Variants in ERC2 observed in about 807,000 individuals in gnomAD.
ERC2 encodes ERC protein 2.
Under a neutral mutation model 114.8 loss-of-function variants are expected in ERC2, and 42 were observed. The observed-to-expected ratio is 0.37, with a 90% CI of 0.29 to 0.47. The LOEUF is 0.47. Ranked by LOEUF, ERC2 falls within the 20% of genes least tolerant of loss-of-function variation. The probability of loss-of-function intolerance (pLI) is 0.99; values close to 1 mark genes in which losing one functional copy is unlikely to be tolerated. For missense variants in ERC2, 939 were observed against 1,150.7 expected (o/e 0.82, Z 2.66); for synonymous variants, 454 against 425.5 (o/e 1.07, Z -0.82).
chr3:55,856,199 G>A (rs961644925), intron 14 of ERC2, among the ~76,000 whole-genome samples: 2 of 152,206 alleles, frequency 1.3e-5, no homozygotes, highest in Non-Finnish European at 2.9e-5. Context: ...TGTGTCTTTA[G>A]ACATTAGCCA....
At chr3:56,343,435 G>A (rs2058181981) in intron 2 of ERC2, among the ~76,000 whole-genome samples, 1 of 151,650 alleles carries the variant, frequency 6.6e-6, no homozygotes, top group Non-Finnish European at 1.5e-5. Flanking sequence ...GGAGGCAAAA[G>A]TAGGAGGATT....
chr3:55,522,242 T>C (rs1434727436), intron 17 of ERC2, among the ~76,000 whole-genome samples: 1 of 152,084 alleles, frequency 6.6e-6, no homozygotes. Flanking sequence ...AAGGGAAACA[T>C]AAACACAAAC....
chr3:55,929,350 C>T (rs977424288), intron 13 of ERC2, among the ~76,000 whole-genome samples: 3 of 152,178 alleles, frequency 2.0e-5, no homozygotes, highest in Non-Finnish European at 4.4e-5. Context: ...CTGAGCCAGC[C>T]ACACCCCTCA....
At chr3:55,698,651 T>C (rs1399587329) in intron 16 of ERC2, among the ~76,000 whole-genome samples, 3 of 152,204 alleles carry the variant, frequency 2.0e-5, no homozygotes, top group Non-Finnish European at 4.4e-5. Context: ...GGAATCTTAG[T>C]ACAACAAAGT....
At chr3:56,103,934 A>T (rs913431689) in intron 6 of ERC2, among the ~76,000 whole-genome samples, 1 of 152,202 alleles carries the variant, frequency 6.6e-6, no homozygotes, top group Non-Finnish European at 1.5e-5. Context: ...GGAACCTGAG[A>T]TAAAAAGAAG....
intron 15 of ERC2, among the ~76,000 whole-genome samples, chr3:55,719,586 C>T (rs1309160021): frequency 6.6e-6 from 1 of 152,196 alleles, no homozygotes; most frequent in Admixed American, 6.5e-5. Flanking sequence ...TTCATCCATA[C>T]TTGCCAAAAG....
At chr3:55,753,728 C>G (rs2066872338) in intron 14 of ERC2, among the ~76,000 whole-genome samples, 1 of 152,182 alleles carries the variant, frequency 6.6e-6, no homozygotes, top group Non-Finnish European at 1.5e-5. Flanking sequence ...TTTTCCTTTT[C>G]CAGTGGTTCA....
intron 17 of ERC2, among the ~76,000 whole-genome samples, chr3:55,573,669 G>A (rs2107532347): frequency 6.6e-6 from 1 of 152,056 alleles, no homozygotes. Flanking sequence ...TCCTCTGCTT[G>A]CCAGAGTCAG....
intron 13 of ERC2, among the ~76,000 whole-genome samples, chr3:55,909,161 G>T (rs1207827221): frequency 6.6e-6 from 1 of 152,118 alleles, no homozygotes; most frequent in Non-Finnish European, 1.5e-5. Flanking sequence ...TTCCATCTCG[G>T]CCCCTCTGCC....
At chr3:55,664,688 A>G (rs1276554968) in intron 17 of ERC2, among the ~76,000 whole-genome samples, 1 of 152,156 alleles carries the variant, frequency 6.6e-6, no homozygotes, top group Admixed American at 6.5e-5. Flanking sequence ...TCTTCCTAGT[A>G]TTCTGTTACT....
chr3:56,417,116 A>G (rs2061195496), intron 2 of ERC2, among the ~76,000 whole-genome samples: 1 of 152,198 alleles, frequency 6.6e-6, no homozygotes, highest in Non-Finnish European at 1.5e-5. Flanking sequence ...CCAATCAATC[A>G]AACATCTCCT....
chr3:56,306,111 AG>A (rs577812393), intron 2 of ERC2, among the ~76,000 whole-genome samples: 169 of 152,300 alleles, frequency 1.1e-3, no homozygotes, highest in African/African-American at 3.9e-3. Context: ...GGCCTCCAAA[AG>A]TGATGGGATT....
intron 13 of ERC2, among the ~76,000 whole-genome samples, chr3:55,918,274 G>C (rs1559868847): frequency 6.6e-6 from 1 of 152,094 alleles, no homozygotes; most frequent in Non-Finnish European, 1.5e-5. Context: ...AGGTATAGCA[G>C]AGACTTACTC....
intron 14 of ERC2, among the ~76,000 whole-genome samples, chr3:55,815,759 C>A (rs1452517588): frequency 1.3e-5 from 2 of 152,154 alleles, no homozygotes; most frequent in East Asian, 1.9e-4. Flanking sequence ...GGACTCTAAC[C>A]CAGGATTTGA....
At chr3:55,808,737 ATAT>A (rs201776117) in intron 14 of ERC2, among the ~76,000 whole-genome samples, 7,706 of 109,458 alleles carry the variant, frequency 0.07, 448 homozygotes, top group Non-Finnish European at 0.096. Context: ...ATATATATAT[ATAT>A]ATAACGTATA....
chr3:55,662,824 TA>T (rs1160354447), intron 17 of ERC2, among the ~76,000 whole-genome samples: 2 of 152,178 alleles, frequency 1.3e-5, no homozygotes, highest in Non-Finnish European at 2.9e-5. Flanking sequence ...GCCAAACAGC[TA>T]AAATGACTAA....
chr3:56,018,688 T>G (rs1203194470), intron 8 of ERC2, among the ~76,000 whole-genome samples: 1 of 152,108 alleles, frequency 6.6e-6, no homozygotes, highest in Non-Finnish European at 1.5e-5. Flanking sequence ...AGTGATGTAA[T>G]CAGATTTGCA....
chr3:55,699,417 C>G lies in ERC2; in HGVS notation c.2808G>C (p.Gly936=). Residue 936 remains glycine (G), a synonymous_variant, in exon 16 of 18, where the codon GGG becomes GGC. Transcript: ENST00000288221. ...GCCTGTGATTGGAATGTTGCGACCT[C>G]CCAGGAGATCGATGGTGGTGGTGAT... is the stretch of plus-strand genomic sequence containing the variant. ...HHHHHHHRSP[G]RSQHSNHRPS... 6.2e-7 allele frequency: 1 copy of G among 1,613,738 alleles called. No individual in the cohort carries two copies.
chr3:55,647,718 T>A (rs1412009639), intron 17 of ERC2, among the ~76,000 whole-genome samples: 1 of 152,222 alleles, frequency 6.6e-6, no homozygotes, highest in African/African-American at 2.4e-5. Flanking sequence ...AACAAAGGTC[T>A]GCAAATTGGG....
Sources: gnomAD v4.1 joint callset for allele counts (sites outside exome capture counted in the v4.1 genomes callset) on GRCh38, gnomAD v4.1.1 for gene constraint, MANE v1.5 for transcripts, NCBI Gene and HGNC (gene_info 2026-07-23, HGNC 2026-07-21) for gene names.